The following SMYD3 variants were observed in gnomAD, a reference collection of about 807,000 sequenced individuals.
SMYD3 encodes histone-lysine N-methyltransferase SMYD3.
A neutral mutation model predicts 57.7 loss-of-function variants in SMYD3; 36 were observed. The ratio of observed to expected loss-of-function variants is 0.62; its 90% confidence interval spans 0.48 to 0.82. The LOEUF (loss-of-function observed/expected upper bound fraction) is 0.82. Ranked by LOEUF, SMYD3 falls within the 40% of genes least tolerant of loss-of-function variation. The pLI is 0.00. For synonymous variants in SMYD3, 211 were observed against 195.0 expected, an observed-to-expected ratio of 1.08 and a Z score of -0.68; for missense variants, 515 against 538.8, an observed-to-expected ratio of 0.96 and a Z score of 0.44.
chr1:246,455,558 GCTATAGAAAAGCCAGATA>G (rs1254383853), intron 1 of SMYD3, among the ~76,000 whole-genome samples: 2 of 152,174 alleles, frequency 1.3e-5, no homozygotes, highest in East Asian at 1.9e-4. Flanking sequence ...GCCTCCAAAT[GCTATAGAAAAGCCAGATA>G]CTATAGAAAA....
chr1:246,100,510 C>T (rs547327142), intron 5 of SMYD3, among the ~76,000 whole-genome samples: 18 of 152,236 alleles, frequency 1.2e-4, no homozygotes, highest in Admixed American at 3.9e-4. Context: ...CTGCCTGCAA[C>T]CCTTGCTTTC....
At chr1:245,751,017 T>G (rs552978696) in intron 11 of SMYD3, among the ~76,000 whole-genome samples, 1 of 152,342 alleles carries the variant, frequency 6.6e-6, no homozygotes, top group Non-Finnish European at 1.5e-5. Context: ...TGAAAACAAC[T>G]GATAGAGCAA....
intron 5 of SMYD3, among the ~76,000 whole-genome samples, chr1:246,316,597 T>C (rs1429312099): frequency 7.0e-6 from 1 of 142,078 alleles, no homozygotes; most frequent in Non-Finnish European, 1.5e-5. Context: ...CCCAGGATGG[T>C]CTTGAACTCC....
chr1:246,474,037 CAATT>C (rs2067995188), intron 1 of SMYD3, among the ~76,000 whole-genome samples: 1 of 152,178 alleles, frequency 6.6e-6, no homozygotes, highest in Non-Finnish European at 1.5e-5. Flanking sequence ...AAGTTATTAA[CAATT>C]TATTTTTAAT....
intron 1 of SMYD3, among the ~76,000 whole-genome samples, chr1:246,467,305 C>G (rs1243239574): frequency 6.6e-6 from 1 of 152,114 alleles, no homozygotes; most frequent in East Asian, 1.9e-4. Context: ...CTTTAGGATG[C>G]TACCTGTTTT....
At chr1:246,218,229 TA>T (rs58264750) in intron 5 of SMYD3, among the ~76,000 whole-genome samples, 1 of 150,276 alleles carries the variant, frequency 6.7e-6, no homozygotes, top group Non-Finnish European at 1.5e-5. Context: ...GAAAACCTGT[TA>T]AAAAAAAAGC....
chr1:246,263,400 T>C (rs1334703264), intron 5 of SMYD3, among the ~76,000 whole-genome samples: 1 of 152,124 alleles, frequency 6.6e-6, no homozygotes, highest in Non-Finnish European at 1.5e-5. Flanking sequence ...TAGCTGTATA[T>C]TGAAGTAGAA....
chr1:245,913,792 T>C (rs1440093731), intron 8 of SMYD3, among the ~76,000 whole-genome samples: 3 of 151,974 alleles, frequency 2.0e-5, no homozygotes, highest in Admixed American at 1.3e-4. Context: ...ATATCACAAA[T>C]ATTCCAATTC....
intron 5 of SMYD3, among the ~76,000 whole-genome samples, chr1:246,133,740 CAT>C (rs1192419720): frequency 1.3e-5 from 2 of 152,088 alleles, no homozygotes; most frequent in Non-Finnish European, 2.9e-5. Flanking sequence ...AGGGAGAACA[CAT>C]GTGCAAGCGA....
At chr1:246,086,620 A>G (rs1485766852) in intron 5 of SMYD3, among the ~76,000 whole-genome samples, 1 of 151,800 alleles carries the variant, frequency 6.6e-6, no homozygotes, top group African/African-American at 2.4e-5. Flanking sequence ...AGCAAATGAC[A>G]ACAACAACAA....
At chr1:246,342,241 C>T (rs2065643059) in intron 2 of SMYD3, among the ~76,000 whole-genome samples, 1 of 152,126 alleles carries the variant, frequency 6.6e-6, no homozygotes, top group African/African-American at 2.4e-5. Flanking sequence ...TGAAATATCA[C>T]AGTGATTTTT....
chr1:245,987,061 C>T (rs1374175620), intron 5 of SMYD3, among the ~76,000 whole-genome samples: 1 of 152,128 alleles, frequency 6.6e-6, no homozygotes, highest in Non-Finnish European at 1.5e-5. Flanking sequence ...CAGATCCATG[C>T]GAGATAAAAC....
At chr1:246,500,951 A>G (rs1447493442) in intron 1 of SMYD3, among the ~76,000 whole-genome samples, 1 of 152,254 alleles carries the variant, frequency 6.6e-6, no homozygotes, top group Non-Finnish European at 1.5e-5. Context: ...AAATGTAGTC[A>G]CATCCATAAA....
rs2063340185 is a variant in SMYD3, at chr1:246,227,021, A to ATTATT, written c.531+100179_531+100180insAATAA. Among the ~76,000 whole-genome samples the ATTATT allele has an allele frequency of 4.6e-5, 7 of 152,324 alleles. No homozygotes were observed. In the South Asian group the frequency reaches 1.0e-3, roughly 23 times the overall value. ...TTTTAATATTGATAATTAATCTTTA[A>ATTATT]TAAATGCTTGTGATTTTTGACATAT... On this transcript the variant is annotated intron_variant, in intron 5 of 11. Transcript: ENST00000490107.
intron 5 of SMYD3, among the ~76,000 whole-genome samples, chr1:245,936,275 C>T (rs886075867): frequency 6.6e-6 from 1 of 151,852 alleles, no homozygotes; most frequent in Non-Finnish European, 1.5e-5. Flanking sequence ...CATGACTTAC[C>T]AGGTTGAAAT....
chr1:246,058,027 T>C (rs752731713), intron 5 of SMYD3, among the ~76,000 whole-genome samples: 11 of 152,194 alleles, frequency 7.2e-5, no homozygotes, highest in Non-Finnish European at 1.2e-4. Context: ...CCCGATTATA[T>C]AGCATTCTGG....
chr1:246,210,850 A>T (rs965959124), intron 5 of SMYD3, among the ~76,000 whole-genome samples: 44 of 152,300 alleles, frequency 2.9e-4, no homozygotes, highest in African/African-American at 1.1e-3. Flanking sequence ...GATCAGAGAA[A>T]GTCGAGAGGA....
intron 1 of SMYD3, among the ~76,000 whole-genome samples, chr1:246,470,655 A>G (rs1201319614): frequency 6.6e-6 from 1 of 151,384 alleles, no homozygotes; most frequent in African/African-American, 2.4e-5. Flanking sequence ...GTATGTGTAT[A>G]TATACAGTGC....
chr1:246,452,038 G>T (rs1480645301), intron 1 of SMYD3, among the ~76,000 whole-genome samples: 2 of 152,172 alleles, frequency 1.3e-5, no homozygotes, highest in Non-Finnish European at 2.9e-5. Flanking sequence ...AAGACAGCAG[G>T]ACTAAATCTC....
Sources: allele counts gnomAD v4.1 joint callset (sites outside exome capture counted in the v4.1 genomes callset), GRCh38; gene constraint gnomAD v4.1.1; transcripts MANE v1.5; gene names NCBI Gene and HGNC (gene_info 2026-07-23, HGNC 2026-07-21).